TOP3A: variants seen among roughly 807,000 people sequenced by gnomAD.
TOP3A encodes the protein DNA topoisomerase III alpha.
Under a neutral mutation model 111.3 loss-of-function variants are expected in TOP3A, and 64 were observed. The observed-to-expected ratio is 0.57, with a 90% CI of 0.47 to 0.71. TOP3A has a LOEUF of 0.71. TOP3A is among the 30% of genes least tolerant of loss of function. TOP3A has a pLI of 0.00. For missense variants in TOP3A, 1,104 were observed against 1,285.0 expected (o/e 0.86, Z 2.15); for synonymous variants, 484 against 485.1 (o/e 1.00, Z 0.03).
rs370283643 is a variant in TOP3A, at chr17:18,301,568, T to C, written c.915+317A>G. Reference sequence around the variant, plus strand: ...GAGCCAAATGCTGTTCATTCTCTCCTAGCTCTATAAGTCAATGACCTGGAC... The same window carrying C: ...GAGCCAAATGCTGTTCATTCTCTCCCAGCTCTATAAGTCAATGACCTGGAC... On this transcript the variant is annotated intron_variant, in intron 8 of 18. Coordinates refer to ENST00000321105, the MANE Select transcript of TOP3A (RefSeq NM_004618.5). Among the ~76,000 whole-genome samples the C allele has an allele frequency of 5.2e-5, 8 of 152,402 alleles. No homozygotes were observed. The South Asian group carries it at 1.2e-3, about 24-fold the overall frequency.
At chr17:18,307,254 A>G (rs1981633886) in intron 3 of TOP3A, 1 of 276,514 alleles carries the variant, frequency 3.6e-6, no homozygotes, top group Admixed American at 4.8e-5. Flanking sequence ...TGACTGTTTA[A>G]AGATTTAATA....
intron 9 of TOP3A, among the ~76,000 whole-genome samples, chr17:18,295,819 T>C (rs1209915483): frequency 7.6e-6 from 1 of 131,940 alleles, no homozygotes; most frequent in Non-Finnish European, 1.6e-5. Context: ...CAGGCTGGAG[T>C]GCAGTGGCGT....
intron 1 of TOP3A, among the ~76,000 whole-genome samples, chr17:18,313,879 T>C (rs1318045514): frequency 6.6e-6 from 1 of 152,190 alleles, no homozygotes; most frequent in Non-Finnish European, 1.5e-5. Context: ...CAGAAAACCA[T>C]TTCAGGATCT....
chr17:18,299,715 C>A (rs575943255), intron 8 of TOP3A, 82 bp from the exon 9 acceptor site: 1 of 1,333,810 alleles, frequency 7.5e-7, no homozygotes, highest in African/African-American at 1.4e-5. Context: ...CATGCCAATC[C>A]TTCTAGATCA....
intron 13 of TOP3A, among the ~76,000 whole-genome samples, chr17:18,288,020 A>G (rs1980216207): frequency 6.6e-6 from 1 of 151,736 alleles, no homozygotes; most frequent in Non-Finnish European, 1.5e-5. Flanking sequence ...CAAAAAAAAC[A>G]AAAAAACTGA....
chr17:18,289,671 G>C (rs994418645), intron 13 of TOP3A, among the ~76,000 whole-genome samples: 5 of 152,228 alleles, frequency 3.3e-5, no homozygotes, highest in Admixed American at 1.3e-4. Flanking sequence ...GGGATTACAG[G>C]TGTGAGCCAC....
intron 10 of TOP3A, among the ~76,000 whole-genome samples, chr17:18,293,568 T>G (rs1980611698): frequency 6.6e-6 from 1 of 151,404 alleles, no homozygotes; most frequent in South Asian, 2.1e-4. Context: ...ATTTCAGGTG[T>G]GACCCAACAT....
chr17:18,289,005 T>A (rs1597966077), intron 13 of TOP3A, among the ~76,000 whole-genome samples: 1 of 152,110 alleles, frequency 6.6e-6, no homozygotes, highest in Non-Finnish European at 1.5e-5. Context: ...GGCATGCACC[T>A]AATTTTTTGT....
At chr17:18,299,219 A>G (rs1423341332) in intron 9 of TOP3A, among the ~76,000 whole-genome samples, 1 of 152,164 alleles carries the variant, frequency 6.6e-6, no homozygotes, top group Non-Finnish European at 1.5e-5. Flanking sequence ...TGAGGCCAGA[A>G]GCTTGAGACT....
chr17:18,314,387 C>T (rs1186157407), intron 1 of TOP3A, among the ~76,000 whole-genome samples: 2 of 152,232 alleles, frequency 1.3e-5, no homozygotes, highest in Non-Finnish European at 2.9e-5. Flanking sequence ...CAAAAGGTTT[C>T]CACGCAAATG....
In TOP3A at chr17:18,302,635, A is replaced by G. The variant is rs371296068; in HGVS notation, c.588T>C (p.Pro196=). Residue 196 remains proline, a synonymous_variant, in exon 6 of 19, where the codon CCT becomes CCC. Coordinates refer to ENST00000321105, the MANE Select transcript of TOP3A (RefSeq NM_004618.5). The stretch of plus-strand genomic sequence containing the variant: ...CCACAGCATCGCTCACCCTCTGATC[A>G]GGCTCGGTCAGGTTTTCACAAGCTG... ...VRTACENLTE[P]DQRVSDAVDV... is the part of the protein sequence containing the mutation. 1 of 1,614,048 alleles carries G rather than the reference A, an allele frequency of 6.2e-7. No homozygotes were observed. Among genetic ancestry groups the G allele is most frequent in the African/African-American group, 1.3e-5 (1 of 74,920 alleles).
At chr17:18,282,946 G>T in intron 15 of TOP3A, 105 bp from the exon 16 acceptor site, 1 of 1,452,826 alleles carries the variant, frequency 6.9e-7, no homozygotes, top group Non-Finnish European at 9.4e-7. Flanking sequence ...GAACCAGCTG[G>T]TCAGTGAGCC....
At chr17:18,288,786 C>G (rs1045050337) in intron 13 of TOP3A, among the ~76,000 whole-genome samples, 1 of 152,220 alleles carries the variant, frequency 6.6e-6, no homozygotes, top group Non-Finnish European at 1.5e-5. Flanking sequence ...ATTTTCTTCC[C>G]TGCCTACTCC....
Position 18,273,080 on chromosome 17 carries a change from C to G in TOP3A, c.*1722G>C, listed in dbSNP as rs897111749. The G allele has an allele frequency of 1.3e-5, 2 of 152,116 alleles. No homozygotes were observed. Among genetic ancestry groups the G allele is most frequent in the African/African-American group, 4.8e-5 (2 of 41,402 alleles). 9.4% of individuals were successfully genotyped at this position (152,116 alleles called of 1,614,324 possible). A position where few individuals can be genotyped will look rare whatever the true frequency, so the allele number is the denominator to read the frequency against. Reference sequence around the variant, plus strand: ...CGCAGGGCCACAACCCACACCCACTCGGAGATGTTCCAGGAACAATCTCAG... The same window carrying G: ...CGCAGGGCCACAACCCACACCCACTGGGAGATGTTCCAGGAACAATCTCAG... On this transcript the variant is annotated 3_prime_UTR_variant, in exon 19 of 19. Transcript: ENST00000321105.
intron 10 of TOP3A, 146 bp from the exon 11 acceptor site, chr17:18,292,998 A>G: frequency 1.3e-6 from 1 of 767,030 alleles, no homozygotes; most frequent in South Asian, 2.2e-5. Context: ...CTGCTTCAGA[A>G]AAGTTCTGAG....
intron 9 of TOP3A, among the ~76,000 whole-genome samples, chr17:18,299,029 G>A (rs1981050724): frequency 6.9e-6 from 1 of 144,380 alleles, no homozygotes; most frequent in Non-Finnish European, 1.5e-5. Context: ...CCCTCTGTGA[G>A]AAACACCCAA....
At chr17:18,303,758 T>G (rs928566793) in intron 5 of TOP3A, among the ~76,000 whole-genome samples, 2 of 152,166 alleles carry the variant, frequency 1.3e-5, no homozygotes, top group Non-Finnish European at 2.9e-5. Flanking sequence ...ATAGTAAAGA[T>G]AGTGATTGAT....
chr17:18,288,358 G>A (rs1188707237), intron 13 of TOP3A, among the ~76,000 whole-genome samples: 1 of 151,802 alleles, frequency 6.6e-6, no homozygotes, highest in Non-Finnish European at 1.5e-5. Flanking sequence ...TCACCATGTT[G>A]TCCAGGCTGG....
At chr17:18,312,729 T>C in intron 1 of TOP3A, 1 of 189,238 alleles carries the variant, frequency 5.3e-6, no homozygotes. Context: ...TCCTTTTGGC[T>C]GGAACTGCCA....
Sources: allele counts gnomAD v4.1 joint callset (sites outside exome capture counted in the v4.1 genomes callset), GRCh38; gene constraint gnomAD v4.1.1; transcripts MANE v1.5; gene names NCBI Gene and HGNC (gene_info 2026-07-23, HGNC 2026-07-21).